Variants in CCDC91 observed in about 807,000 individuals in gnomAD.
The protein encoded by CCDC91 is coiled-coil domain-containing protein 91.
CCDC91 carries 48 observed loss-of-function variants against 63.2 expected under a neutral mutation model. The observed-to-expected ratio is 0.76, with a 90% CI of 0.60 to 0.97. CCDC91 has a LOEUF of 0.97. Ranked by LOEUF, CCDC91 falls within the 50% of genes least tolerant of loss-of-function variation. The probability of loss-of-function intolerance (pLI) is 0.00; values close to 1 mark genes in which losing one functional copy is unlikely to be tolerated. For missense variants in CCDC91, 500 were observed against 494.6 expected, an observed-to-expected ratio of 1.01 and a Z score of -0.10; for synonymous variants, 167 against 165.8, an observed-to-expected ratio of 1.01 and a Z score of -0.06.
chr12:28,479,730 ATCAT>A (rs1188615638), intron 11 of CCDC91, among the ~76,000 whole-genome samples: 1 of 152,060 alleles, frequency 6.6e-6, no homozygotes, highest in Non-Finnish European at 1.5e-5. Flanking sequence ...TGGACATAGG[ATCAT>A]ACTATGTGAG....
intron 8 of CCDC91, among the ~76,000 whole-genome samples, chr12:28,429,425 A>G (rs1948509636): frequency 1.3e-5 from 2 of 152,178 alleles, no homozygotes; most frequent in Non-Finnish European, 2.9e-5. Context: ...AACATACTAG[A>G]AAGGATTTTT....
intron 3 of CCDC91, among the ~76,000 whole-genome samples, chr12:28,298,457 G>A (rs774996201): frequency 7.3e-5 from 11 of 149,918 alleles, no homozygotes; most frequent in Non-Finnish European, 1.3e-4. Context: ...CTCAGAGCAT[G>A]CTTTGATTGG....
intron 1 of CCDC91, among the ~76,000 whole-genome samples, chr12:28,219,683 C>T (rs1943806790): frequency 6.6e-6 from 1 of 151,954 alleles, no homozygotes; most frequent in East Asian, 1.9e-4. Context: ...CTGTGCTAGC[C>T]AGGATGGTCT....
At chr12:28,460,763 G>T (rs976141506) in intron 11 of CCDC91, among the ~76,000 whole-genome samples, 3 of 151,350 alleles carry the variant, frequency 2.0e-5, no homozygotes, top group Admixed American at 2.0e-4. Context: ...AAATATCAAA[G>T]GGATATTATA....
At chr12:28,303,530 G>A (rs1030206022) in intron 3 of CCDC91, among the ~76,000 whole-genome samples, 1 of 152,034 alleles carries the variant, frequency 6.6e-6, no homozygotes, top group Non-Finnish European at 1.5e-5. Context: ...ATAAATATGA[G>A]TAACATAAAT....
At chr12:28,234,726 T>A (rs1944825882) in intron 1 of CCDC91, among the ~76,000 whole-genome samples, 1 of 151,950 alleles carries the variant, frequency 6.6e-6, no homozygotes, top group Non-Finnish European at 1.5e-5. Context: ...GCAAAGAACT[T>A]GTAGCATGGA....
chr12:28,299,321 T>A (rs1417438100), intron 3 of CCDC91, among the ~76,000 whole-genome samples: 1 of 151,614 alleles, frequency 6.6e-6, no homozygotes, highest in Non-Finnish European at 1.5e-5. Context: ...CCTTTCCTTC[T>A]CATTTTTCTT....
intron 1 of CCDC91, among the ~76,000 whole-genome samples, chr12:28,201,487 G>A (rs878875628): frequency 7.4e-6 from 1 of 134,508 alleles, no homozygotes; most frequent in African/African-American, 2.7e-5. Context: ...GGGAAGAGGC[G>A]CTCGTCACTT....
intron 6 of CCDC91, among the ~76,000 whole-genome samples, chr12:28,338,828 CT>C (rs966037522): frequency 2.0e-5 from 3 of 151,814 alleles, no homozygotes; most frequent in African/African-American, 7.3e-5. Flanking sequence ...TGGTATATTT[CT>C]TTTTTTCTTT....
At chr12:28,281,966 C>T (rs554874193) in intron 3 of CCDC91, among the ~76,000 whole-genome samples, 1 of 152,134 alleles carries the variant, frequency 6.6e-6, no homozygotes, top group Admixed American at 6.5e-5. Flanking sequence ...GACTTGTAAA[C>T]TGTTGAATTG....
intron 6 of CCDC91, among the ~76,000 whole-genome samples, chr12:28,327,224 T>C (rs527848353): frequency 4.9e-4 from 74 of 152,254 alleles, no homozygotes; most frequent in African/African-American, 1.8e-3. Context: ...CAAATCATTT[T>C]CTTTTCTAAC....
chr12:28,379,007 C>A lies in CCDC91; in HGVS notation c.655-12297C>A, dbSNP rs80011641. ...AAGGTATTGGAAACCTTGCCAGAAG[C>A]CTCATTCTAATATAGATTTAAAGCT... On this transcript the variant is annotated intron_variant, in intron 7 of 12. Transcript: ENST00000536442. Among the ~76,000 whole-genome samples, 1,403 of 152,086 alleles carry A rather than the reference C, an allele frequency of 9.2e-3. 27 individuals are homozygous for A. Among genetic ancestry groups the A allele is most frequent in the African/African-American group, 0.032 (1,333 of 41,486 alleles).
intron 12 of CCDC91, among the ~76,000 whole-genome samples, chr12:28,517,392 C>A (rs1448473071): frequency 6.6e-6 from 1 of 151,858 alleles, no homozygotes; most frequent in African/African-American, 2.4e-5. Flanking sequence ...TGTTAACTTG[C>A]AACACGTTTG....
intron 6 of CCDC91, among the ~76,000 whole-genome samples, chr12:28,316,279 C>T (rs1279294411): frequency 6.6e-6 from 1 of 151,656 alleles, no homozygotes; most frequent in African/African-American, 2.4e-5. Context: ...CTACATTTGT[C>T]TTTACTTGAC....
At chr12:28,358,278 G>A (rs1159472597) in intron 6 of CCDC91, among the ~76,000 whole-genome samples, 2 of 152,086 alleles carry the variant, frequency 1.3e-5, no homozygotes, top group Non-Finnish European at 2.9e-5. Flanking sequence ...ACTTGAACCT[G>A]TCAAGGAGCC....
intron 1 of CCDC91, among the ~76,000 whole-genome samples, chr12:28,243,512 C>A (rs1945488582): frequency 6.6e-6 from 1 of 152,020 alleles, no homozygotes; most frequent in African/African-American, 2.4e-5. Flanking sequence ...AAATTAGTAC[C>A]TCTCCTATTA....
chr12:28,275,889 G>T (rs1948181536), intron 3 of CCDC91, among the ~76,000 whole-genome samples: 3 of 152,182 alleles, frequency 2.0e-5, no homozygotes, highest in African/African-American at 7.2e-5. Flanking sequence ...TATCTCAATA[G>T]ATGCCCAAAA....
chr12:28,240,226 C>T (rs1416173025), intron 1 of CCDC91, among the ~76,000 whole-genome samples: 1 of 152,126 alleles, frequency 6.6e-6, no homozygotes, highest in Admixed American at 6.5e-5. Flanking sequence ...TTGATTCCCT[C>T]TTATGCATGT....
chr12:28,307,001 T>C, intron 5 of CCDC91, 56 bp downstream of exon 5: 1 of 1,179,166 alleles, frequency 8.5e-7, no homozygotes, highest in South Asian at 1.4e-5. Context: ...AAATTTGATA[T>C]AATCTCAAAC....
Sources: allele counts gnomAD v4.1 joint callset (sites outside exome capture counted in the v4.1 genomes callset), GRCh38; gene constraint gnomAD v4.1.1; transcripts MANE v1.5; gene names NCBI Gene and HGNC (gene_info 2026-07-23, HGNC 2026-07-21).